Variants in RIT2 observed in about 807,000 individuals in gnomAD.
RIT2 encodes the protein GTP-binding protein Rit2.
A neutral mutation model predicts 23.7 loss-of-function variants in RIT2; 24 were observed. That is an observed-to-expected ratio of 1.01 (90% confidence interval 0.73 to 1.43). The LOEUF (loss-of-function observed/expected upper bound fraction) is 1.43, where lower values mean the gene tolerates loss of function less well. Among genes scored for constraint, RIT2 ranks in the 40% most tolerant of loss-of-function variants. RIT2 has a pLI of 0.00. For synonymous variants in RIT2, 107 were observed against 91.1 expected, an observed-to-expected ratio of 1.17 and a Z score of -0.99; for missense variants, 236 against 266.9, an observed-to-expected ratio of 0.88 and a Z score of 0.81.
intron 4 of RIT2, among the ~76,000 whole-genome samples, chr18:42,906,529 T>A (rs1009591690): frequency 1.3e-5 from 2 of 152,120 alleles, no homozygotes; most frequent in African/African-American, 4.8e-5. Context: ...ATTCTTAATT[T>A]AAAAAGTAGC....
intron 2 of RIT2, among the ~76,000 whole-genome samples, chr18:43,002,407 G>C (rs1222471598): frequency 4.0e-5 from 6 of 151,870 alleles, no homozygotes; most frequent in Admixed American, 3.9e-4. Context: ...CACCCTCACA[G>C]ACACACCCAG....
intron 4 of RIT2, among the ~76,000 whole-genome samples, chr18:42,831,029 G>T (rs894562663): frequency 6.6e-6 from 1 of 152,132 alleles, no homozygotes; most frequent in Admixed American, 6.5e-5. Context: ...ATTGCATAAT[G>T]AAATTCAAGT....
At chr18:42,795,008 T>C (rs6507502) in intron 4 of RIT2, among the ~76,000 whole-genome samples, 49,509 of 152,198 alleles carry the variant, frequency 0.33, 10,785 homozygotes, top group African/African-American at 0.61. Flanking sequence ...ATGTTTTTCT[T>C]TTTTTGAAAC....
chr18:42,856,823 C>CTTTTTTTTTT, intron 4 of RIT2, among the ~76,000 whole-genome samples: 1 of 133,604 alleles, frequency 7.5e-6, no homozygotes, highest in African/African-American at 3.3e-5. Flanking sequence ...TTTTCTCTCT[C>CTTTTTTTTTT]TCTCTTTTTT....
intron 2 of RIT2, among the ~76,000 whole-genome samples, chr18:42,982,333 G>T (rs929331930): frequency 2.0e-5 from 3 of 152,092 alleles, no homozygotes; most frequent in African/African-American, 7.2e-5. Flanking sequence ...CCAGTCAATT[G>T]GATGGTGCTG....
intron 4 of RIT2, among the ~76,000 whole-genome samples, chr18:42,788,434 C>T (rs1424879933): frequency 6.6e-6 from 1 of 152,116 alleles, no homozygotes; most frequent in Non-Finnish European, 1.5e-5. Flanking sequence ...AAATGCTCCA[C>T]ATTTTGTTAC....
At chr18:42,776,845 G>T (rs1913683537) in intron 4 of RIT2, among the ~76,000 whole-genome samples, 1 of 152,138 alleles carries the variant, frequency 6.6e-6, no homozygotes, top group African/African-American at 2.4e-5. Context: ...AGGGCATAAA[G>T]AAGGGAAATA....
chr18:43,027,107 A>T (rs1911750760), intron 2 of RIT2, among the ~76,000 whole-genome samples: 1 of 148,040 alleles, frequency 6.8e-6, no homozygotes, highest in South Asian at 2.1e-4. Flanking sequence ...AATGGAAAGA[A>T]TTAATATTAT....
At chr18:42,953,521 T>C (rs1909903091) in intron 3 of RIT2, among the ~76,000 whole-genome samples, 1 of 152,164 alleles carries the variant, frequency 6.6e-6, no homozygotes, top group African/African-American at 2.4e-5. Flanking sequence ...AGTGGTAGCA[T>C]GATTCTCATG....
intron 3 of RIT2, among the ~76,000 whole-genome samples, chr18:42,924,383 A>G (rs1033247383): frequency 6.6e-6 from 1 of 151,944 alleles, no homozygotes; most frequent in Admixed American, 6.6e-5. Flanking sequence ...GTGCATAAAC[A>G]GAAGGATCTG....
At chr18:42,945,847 C>A (rs911809786) in intron 3 of RIT2, among the ~76,000 whole-genome samples, 5 of 151,936 alleles carry the variant, frequency 3.3e-5, no homozygotes, top group African/African-American at 1.2e-4. Context: ...ACAAAAAATA[C>A]TCAAAACAGT....
chr18:42,878,664 C>T (rs925046046), intron 4 of RIT2, among the ~76,000 whole-genome samples: 2 of 151,750 alleles, frequency 1.3e-5, no homozygotes, highest in African/African-American at 4.8e-5. Flanking sequence ...TGCTTCCAAA[C>T]TTATTCCCCA....
chr18:42,810,257 C>T (rs1281849977), intron 4 of RIT2, among the ~76,000 whole-genome samples: 1 of 151,344 alleles, frequency 6.6e-6, no homozygotes, highest in Non-Finnish European at 1.5e-5. Context: ...TGGGCTATTA[C>T]AAATACTGTC....
chr18:43,089,461 T>C (rs1433932622), intron 1 of RIT2, among the ~76,000 whole-genome samples: 1 of 151,904 alleles, frequency 6.6e-6, no homozygotes, highest in Non-Finnish European at 1.5e-5. Flanking sequence ...TCCAAGGTCA[T>C]GGATAGAAAG....
chr18:42,945,710 A>G, intron 3 of RIT2, among the ~76,000 whole-genome samples: 1 of 152,114 alleles, frequency 6.6e-6, no homozygotes, highest in Non-Finnish European at 1.5e-5. Flanking sequence ...TAAAACATGC[A>G]TGCATTTTAT....
chr18:42,993,713 TCC>T lies in RIT2; in HGVS notation c.161-19568_161-19567del, dbSNP rs1306266121. 3.3e-5 allele frequency among the ~76,000 whole-genome samples: 5 copies of T among 151,938 alleles called. No individual in the cohort carries two copies. The East Asian group carries it at 9.8e-4, about 30-fold the overall frequency. On this transcript the variant is annotated intron_variant, in intron 2 of 4. Transcript: ENST00000326695. ...TACAGCCACACCTCATTGCCACCTT[TCC>T]CCCAGTTCAAAGCCTCCTTCACATC...
At chr18:42,860,627 C>T (rs1007525197) in intron 4 of RIT2, among the ~76,000 whole-genome samples, 1 of 152,160 alleles carries the variant, frequency 6.6e-6, no homozygotes, top group Non-Finnish European at 1.5e-5. Context: ...TGAGAATACC[C>T]TCTCTAGGAG....
intron 3 of RIT2, among the ~76,000 whole-genome samples, chr18:42,956,869 G>T (rs932990478): frequency 5.2e-4 from 79 of 152,270 alleles, no homozygotes; most frequent in African/African-American, 1.4e-3. Flanking sequence ...CCGGAAGGCT[G>T]CTAAGAGAGG....
intron 2 of RIT2, among the ~76,000 whole-genome samples, chr18:42,988,148 A>C (rs1305744587): frequency 6.6e-6 from 1 of 152,192 alleles, no homozygotes; most frequent in Non-Finnish European, 1.5e-5. Flanking sequence ...ATAGAATACA[A>C]CAATGTGGTT....
Sources: allele counts gnomAD v4.1 joint callset (sites outside exome capture counted in the v4.1 genomes callset), GRCh38; gene constraint gnomAD v4.1.1; transcripts MANE v1.5; gene names NCBI Gene and HGNC (gene_info 2026-07-23, HGNC 2026-07-21).